The following GRID2 variants were observed in gnomAD, a reference collection of about 807,000 sequenced individuals.
GRID2 encodes the protein glutamate ionotropic receptor delta type subunit 2.
GRID2 carries 33 observed loss-of-function variants against 114.8 expected under a neutral mutation model. That is an observed-to-expected ratio of 0.29 (90% CI 0.22 to 0.38). The LOEUF (loss-of-function observed/expected upper bound fraction) is 0.38. GRID2 is among the 10% of genes least tolerant of loss of function. GRID2 has a pLI of 1.00. For synonymous variants in GRID2, 505 were observed against 449.9 expected (o/e 1.12, Z -1.55); for missense variants, 1,184 against 1,257.7 (o/e 0.94, Z 0.89).
At chr4:93,320,242 G>A (rs1579663694) in intron 8 of GRID2, among the ~76,000 whole-genome samples, 2 of 152,052 alleles carry the variant, frequency 1.3e-5, no homozygotes, top group Non-Finnish European at 2.9e-5. Context: ...TGTCAGCGAT[G>A]ATTATTGGCA....
chr4:92,315,993 C>CAAAAAAAAAAAAAAAAAAAAAAAAA (rs778361565), intron 1 of GRID2, among the ~76,000 whole-genome samples: 254 of 61,498 alleles, frequency 4.1e-3, no homozygotes, highest in East Asian at 6.0e-3. Flanking sequence ...AAACAAAAAG[C>CAAAAAAAAAAAAAAAAAAAAAAAAA]AAAAAAAAAA....
chr4:92,796,279 G>T (rs1365802588), intron 2 of GRID2, among the ~76,000 whole-genome samples: 1 of 151,844 alleles, frequency 6.6e-6, no homozygotes, highest in Non-Finnish European at 1.5e-5. Context: ...AAATCTTGGG[G>T]TTCTGGGTGG....
intron 13 of GRID2, among the ~76,000 whole-genome samples, chr4:93,525,338 A>G (rs1730777731): frequency 6.6e-6 from 1 of 152,192 alleles, no homozygotes; most frequent in African/African-American, 2.4e-5. Context: ...TGAGCAGAGC[A>G]TAGTATGTGC....
intron 13 of GRID2, among the ~76,000 whole-genome samples, chr4:93,583,773 G>T (rs978346873): frequency 4.6e-5 from 7 of 152,058 alleles, no homozygotes; most frequent in Non-Finnish European, 1.5e-5. Flanking sequence ...TTCTCCTTCA[G>T]TTCTCACTTT....
chr4:92,377,346 C>A (rs762397662), intron 1 of GRID2, among the ~76,000 whole-genome samples: 1 of 152,128 alleles, frequency 6.6e-6, no homozygotes, highest in African/African-American at 2.4e-5. Context: ...CAGTTCCCAA[C>A]AAGTTCCTCA....
chr4:93,804,369 T>G (rs1202690999), intron 1 of GRID2, among the ~76,000 whole-genome samples: 2 of 152,160 alleles, frequency 1.3e-5, no homozygotes, highest in African/African-American at 4.8e-5. Flanking sequence ...TGGTTTAGCC[T>G]ACTACACGCC....
At chr4:93,480,796 C>G (rs1174314577) in intron 11 of GRID2, among the ~76,000 whole-genome samples, 1 of 151,956 alleles carries the variant, frequency 6.6e-6, no homozygotes, top group Non-Finnish European at 1.5e-5. Flanking sequence ...TGTTCTGCCC[C>G]CTTCCATGCA....
intron 2 of GRID2, among the ~76,000 whole-genome samples, chr4:92,909,235 T>C (rs1408726307): frequency 6.6e-6 from 1 of 151,808 alleles, no homozygotes; most frequent in African/African-American, 2.4e-5. Flanking sequence ...CATAGAACTG[T>C]GAAAACATGC....
Position 93,084,332 on chromosome 4 carries a change from G to C in GRID2, c.245-663G>C, listed in dbSNP as rs184069630. ...ATAGGAATTATAAATTGTTGATCTA[G>C]GAACCAGAATGAGACACTGGCTACA... is the stretch of plus-strand genomic sequence containing the variant. On this transcript the variant is annotated intron_variant, in intron 2 of 15. Transcript: ENST00000282020. 2.0e-5 allele frequency among the ~76,000 whole-genome samples: 3 copies of C among 152,198 alleles called. No individual in the cohort carries two copies. The East Asian group carries it at 5.8e-4, about 29-fold the overall frequency.
intron 11 of GRID2, among the ~76,000 whole-genome samples, chr4:93,486,117 G>A (rs983017118): frequency 1.3e-5 from 2 of 151,566 alleles, no homozygotes; most frequent in African/African-American, 4.8e-5. Context: ...ATCATTTAAT[G>A]CTATTGCAAA....
intron 14 of GRID2, among the ~76,000 whole-genome samples, chr4:93,631,739 G>A (rs1470856287): frequency 6.6e-6 from 1 of 152,186 alleles, no homozygotes; most frequent in African/African-American, 2.4e-5. Flanking sequence ...CCAGTAATGG[G>A]ATTGCTGGGT....
chr4:93,564,549 A>G (rs1003070306), intron 13 of GRID2, among the ~76,000 whole-genome samples: 6 of 152,080 alleles, frequency 3.9e-5, no homozygotes, highest in Non-Finnish European at 8.8e-5. Context: ...TTGACAGCAC[A>G]CAAAAGCTCA....
intron 2 of GRID2, among the ~76,000 whole-genome samples, chr4:92,850,981 A>G (rs903329018): frequency 1.3e-5 from 2 of 151,962 alleles, no homozygotes; most frequent in African/African-American, 4.8e-5. Context: ...TATGCACATG[A>G]AAGTCAAACG....
chr4:92,775,908 G>A (rs1453870059), intron 2 of GRID2, among the ~76,000 whole-genome samples: 1 of 152,052 alleles, frequency 6.6e-6, no homozygotes, highest in Non-Finnish European at 1.5e-5. Flanking sequence ...AGTTACTAAT[G>A]TCATTGCACA....
rs1361038742 is a variant in GRID2, at chr4:92,973,599, G to A, written c.245-111396G>A. Among the ~76,000 whole-genome samples the A allele has an allele frequency of 2.6e-5, 4 of 152,068 alleles. No individual in the cohort carries two copies. In the South Asian group the frequency reaches 6.2e-4, roughly 24 times the overall value. On this transcript the variant is annotated intron_variant, in intron 2 of 15. Coordinates refer to ENST00000282020, the MANE Select transcript of GRID2 (RefSeq NM_001510.4). Reference sequence around the variant, plus strand: ...TTAGGTTTCGACTGGAACAAGTGTAGGAAGATTAAGAGCACCAGAACCTGA... The same window carrying A: ...TTAGGTTTCGACTGGAACAAGTGTAAGAAGATTAAGAGCACCAGAACCTGA...
At chr4:93,015,246 A>T (rs571407556) in intron 2 of GRID2, among the ~76,000 whole-genome samples, 1 of 152,252 alleles carries the variant, frequency 6.6e-6, no homozygotes, top group East Asian at 1.9e-4. Context: ...GAACTCTGGC[A>T]TAGACTAGAT....
At chr4:92,693,112 GTTCC>G (rs1734257638) in intron 2 of GRID2, among the ~76,000 whole-genome samples, 1 of 151,452 alleles carries the variant, frequency 6.6e-6, no homozygotes, top group South Asian at 2.1e-4. Flanking sequence ...TAGTAATGCA[GTTCC>G]TTCTTTTTCT....
chr4:92,682,784 A>C (rs990492666), intron 2 of GRID2, among the ~76,000 whole-genome samples: 3 of 151,944 alleles, frequency 2.0e-5, no homozygotes, highest in Non-Finnish European at 4.4e-5. Flanking sequence ...GAAAACTTGG[A>C]AGGCACCTGG....
rs189030612 is a variant in GRID2, at chr4:92,844,815, A to G, written c.245-240180A>G. On this transcript the variant is annotated intron_variant, in intron 2 of 15. Transcript: ENST00000282020. ...CACAAGATGTCTATGCCTCCTTCTC[A>G]TTTTGTCACATAGCGTAGTATTAAA... Among the ~76,000 whole-genome samples the G allele has an allele frequency of 7.4e-4, 113 of 152,168 alleles. 1 individual carries two copies. Among genetic ancestry groups the G allele is most frequent in the African/African-American group, 2.4e-3 (101 of 41,532 alleles).
Sources: gnomAD v4.1 joint callset for allele counts (sites outside exome capture counted in the v4.1 genomes callset) on GRCh38, gnomAD v4.1.1 for gene constraint, MANE v1.5 for transcripts, NCBI Gene and HGNC (gene_info 2026-07-23, HGNC 2026-07-21) for gene names.